Variants in MAOA observed in about 807,000 individuals in gnomAD.
MAOA encodes monoamine oxidase A, also known as amine oxidase [flavin-containing] A.
Under a neutral mutation model 42.0 loss-of-function variants are expected in MAOA, and 6 were observed. The ratio of observed to expected loss-of-function variants is 0.14; its 90% confidence interval spans 0.08 to 0.28. The LOEUF (loss-of-function observed/expected upper bound fraction) is 0.28. Among genes scored for constraint, MAOA ranks in the 10% least tolerant of loss-of-function variants. MAOA has a pLI of 1.00. For synonymous variants in MAOA, 140 were observed against 154.0 expected, an observed-to-expected ratio of 0.91 and a Z score of 0.67; for missense variants, 262 against 422.3, an observed-to-expected ratio of 0.62 and a Z score of 3.33.
At chrX:43,719,349 T>A (rs1414874046) in intron 5 of MAOA, among the ~76,000 whole-genome samples, 1 of 110,345 alleles carries the variant, frequency 9.1e-6, no homozygotes, top group Non-Finnish European at 1.9e-5. Flanking sequence ...GGTATTTTCC[T>A]GGTGTGACCC....
chrX:43,731,822 G>A lies in MAOA; in HGVS notation c.924G>A (p.Met308Ile), dbSNP rs1211976798. Residue 308 changes from methionine to isoleucine, a missense_variant, in exon 8 of 15, where the codon ATG becomes ATA. By Grantham distance (10) the Met-to-Ile change is conservative. Transcript: ENST00000338702. ...LPMGAVIKCM[M>I]YYKEAFWKKK... Reference sequence around the variant, plus strand: ...TGGGAGCTGTCATTAAGTGCATGATGTATTACAAGGAGGCCTTCTGGAAGA... The same window carrying A: ...TGGGAGCTGTCATTAAGTGCATGATATATTACAAGGAGGCCTTCTGGAAGA... 1.7e-6 allele frequency: 2 copies of A among 1,209,872 alleles called. No individual in the cohort carries two copies. Among genetic ancestry groups the A allele is most frequent in the Non-Finnish European group, 2.2e-6 (2 of 893,666 alleles).
intron 12 of MAOA, among the ~76,000 whole-genome samples, chrX:43,743,438 C>T (rs772655323): frequency 1.7e-4 from 19 of 110,592 alleles, no homozygotes; most frequent in African/African-American, 5.6e-4. Flanking sequence ...CACCTTCCCC[C>T]GAGAAAGACA....
At chrX:43,737,465 A>C (rs2147105567) in intron 10 of MAOA, among the ~76,000 whole-genome samples, 1 of 112,186 alleles carries the variant, frequency 8.9e-6, no homozygotes, top group African/African-American at 3.2e-5. Context: ...TGATGCCAAC[A>C]GATTCAATTC....
Position 43,736,261 on chromosome X carries a change from A to G in MAOA, c.1087A>G (p.Lys363Glu). ...ILARKADRLAKLHKEIRKKKI... is the reference protein window; with the variant it reads ...ILARKADRLAELHKEIRKKKI... ...TGCCCGGAAAGCTGATCGACTTGCTAAGCTACATAAGGAAATAAGGTAAGA... is the reference window on the plus strand; with the variant it reads ...TGCCCGGAAAGCTGATCGACTTGCTGAGCTACATAAGGAAATAAGGTAAGA... The change falls in exon 10 of 15, where the codon AAG becomes GAG. Residue 363 changes from lysine (K) to glutamate (E), a missense_variant. By Grantham distance (56) the Lys-to-Glu change is moderately conservative (BLOSUM62 1). Transcript: ENST00000338702. The G allele has an allele frequency of 8.4e-7, 1 of 1,189,372 alleles. No individual in the cohort carries two copies. Among genetic ancestry groups the G allele is most frequent in the Non-Finnish European group, 1.1e-6 (1 of 878,501 alleles).
rs965306750 is a variant in MAOA at position 43,744,894 on chromosome X, A to G, written c.*381A>G. 9.6e-5 allele frequency: 23 copies of G among 240,168 alleles called. No homozygotes were observed. The South Asian group carries it at 1.2e-3, about 12-fold the overall frequency. 19.8% of individuals were successfully genotyped at this position (240,168 alleles called of 1,213,427 possible). ...AAAGCATTTGACTTTCTGTCTGTGG[A>G]GGTGGAGTAGGTGAAGGCCCAGCCT... On this transcript the variant is annotated 3_prime_UTR_variant, in exon 15 of 15. Transcript: ENST00000338702.
chrX:43,731,216 C>T (rs760632725), intron 6 of MAOA, 25 bp from the exon 7 acceptor site: 1 of 1,205,225 alleles, frequency 8.3e-7, no homozygotes, highest in Admixed American at 2.2e-5. Flanking sequence ...ATAATGTTTC[C>T]TTTCTTACCT....
chrX:43,668,266 A>G (rs2033299617), intron 1 of MAOA, among the ~76,000 whole-genome samples: 3 of 112,462 alleles, frequency 2.7e-5, no homozygotes, highest in African/African-American at 6.5e-5. Flanking sequence ...AGGCATTTAC[A>G]TTTCTTCTGT....
At chrX:43,734,149 T>TG (rs1414603736) in intron 9 of MAOA, among the ~76,000 whole-genome samples, 15 of 107,595 alleles carry the variant, frequency 1.4e-4, no homozygotes, top group African/African-American at 5.1e-4. Flanking sequence ...TTTTTTTTTT[T>TG]TTGGAAGTGG....
In MAOA at chrX:43,746,282, A is replaced by G. The variant is rs1278538998; in HGVS notation, c.*1769A>G. The G allele has an allele frequency of 2.7e-5, 3 of 112,269 alleles. No individual in the cohort carries two copies. Among genetic ancestry groups the G allele is most frequent in the Admixed American group, 9.5e-5 (1 of 10,579 alleles). The allele number at this position is 112,269 out of a possible 1,213,427, so 9.3% of individuals were successfully genotyped here. A position where few individuals can be genotyped will look rare whatever the true frequency, so the allele number is the denominator to read the frequency against. On this transcript the variant is annotated 3_prime_UTR_variant, in exon 15 of 15. Coordinates refer to ENST00000338702, the MANE Select transcript of MAOA (RefSeq NM_000240.4). ...GAACTCATGTGATTTACCCTTTTCA[A>G]CTTTTTGGAAAACGATTTAATTTAT...
chrX:43,679,193 A>AAATTTTATT (rs762479681), intron 1 of MAOA, among the ~76,000 whole-genome samples: 13,522 of 110,240 alleles, frequency 0.12, 827 homozygotes, highest in Middle Eastern at 0.22. Flanking sequence ...ACCAGCTTTT[A>AAATTTTATT]AATTTTATTT....
chrX:43,698,932 A>T (rs1219026904), intron 3 of MAOA, among the ~76,000 whole-genome samples: 1 of 111,536 alleles, frequency 9.0e-6, no homozygotes, highest in East Asian at 2.8e-4. Context: ...ATATTTTTAC[A>T]CTTGATCTTA....
At chrX:43,691,461 T>C (rs770919185) in intron 2 of MAOA, among the ~76,000 whole-genome samples, 2 of 112,064 alleles carry the variant, frequency 1.8e-5, no homozygotes, top group East Asian at 5.6e-4. Context: ...GAAGATGCCA[T>C]GAACATTAAA....
intron 3 of MAOA, among the ~76,000 whole-genome samples, chrX:43,697,954 C>T (rs1333151227): frequency 1.8e-5 from 2 of 112,285 alleles, no homozygotes. Context: ...TTTTTCTCCA[C>T]TTCTAGGGGA....
intron 3 of MAOA, among the ~76,000 whole-genome samples, chrX:43,709,985 T>TATCTCCAC (rs1398875264): frequency 8.9e-6 from 1 of 112,629 alleles, no homozygotes; most frequent in African/African-American, 3.2e-5. Flanking sequence ...AGAACAAACC[T>TATCTCCAC]ATCTCCACAT....
chrX:43,744,123 C>T lies in MAOA; in HGVS notation c.1389C>T (p.Leu463=), dbSNP rs771568228. Residue 463 remains leucine (L), a synonymous_variant, in exon 14 of 15, where the codon CTC becomes CTT. Coordinates refer to ENST00000338702, the MANE Select transcript of MAOA (RefSeq NM_000240.4). ...ERAAREVLNG[L]GKVTEKDIWV... is the part of the protein sequence containing the mutation. ...CTTTCTTTCAGGTCTTAAATGGTCT[C>T]GGGAAGGTGACCGAGAAAGATATCT... 174 of 1,207,144 alleles carry T rather than the reference C, an allele frequency of 1.4e-4. No individual in the cohort carries two copies. Among genetic ancestry groups the T allele is most frequent in the Non-Finnish European group, 1.9e-4 (170 of 893,481 alleles).
At chrX:43,729,364 A>G (rs780500686) in intron 6 of MAOA, among the ~76,000 whole-genome samples, 1 of 112,507 alleles carries the variant, frequency 8.9e-6, no homozygotes, top group East Asian at 2.8e-4. Context: ...CAAATTCTAC[A>G]TGACCTTTTG....
intron 1 of MAOA, among the ~76,000 whole-genome samples, chrX:43,661,063 G>A (rs1441542155): frequency 8.9e-6 from 1 of 112,106 alleles, no homozygotes; most frequent in African/African-American, 3.2e-5. Context: ...CACCTCGCTA[G>A]TGATTAGAGC....
intron 2 of MAOA, 104 bp from the exon 3 acceptor site, chrX:43,693,186 AG>A: frequency 1.3e-6 from 1 of 791,939 alleles, no homozygotes; most frequent in South Asian, 2.2e-5. Context: ...GGGAGATGTA[AG>A]GCACAATTAA....
intron 1 of MAOA, among the ~76,000 whole-genome samples, chrX:43,665,835 T>TAGAC (rs1414513250): frequency 9.1e-6 from 1 of 110,436 alleles, no homozygotes; most frequent in Non-Finnish European, 1.9e-5. Context: ...GATAGATAGA[T>TAGAC]AGATAGATAG....
Sources: allele counts gnomAD v4.1 joint callset (sites outside exome capture counted in the v4.1 genomes callset), GRCh38; gene constraint gnomAD v4.1.1; transcripts MANE v1.5; gene names NCBI Gene and HGNC (gene_info 2026-07-23, HGNC 2026-07-21).